The following COL10A1 variants were observed in gnomAD, a reference collection of about 807,000 sequenced individuals.
The protein encoded by COL10A1 is collagen type X alpha 1 chain.
In COL10A1, 10 loss-of-function variants were observed where a neutral mutation model predicts 18.2. The ratio of observed to expected loss-of-function variants is 0.55; its 90% CI spans 0.34 to 0.93. COL10A1 has a LOEUF of 0.93. Among genes scored for constraint, COL10A1 ranks in the 40% least tolerant of loss-of-function variants. COL10A1 has a pLI of 0.02. For missense variants in COL10A1, 897 were observed against 853.5 expected (o/e 1.05, Z -0.64); for synonymous variants, 330 against 316.6 (o/e 1.04, Z -0.45).
the COL10A1 span, among the ~76,000 whole-genome samples, chr6:116,212,690 TGGCAGGGA>T: frequency 6.6e-6 from 1 of 152,118 alleles, no homozygotes; most frequent in African/African-American, 2.4e-5. Context: ...ATTTAATGGG[TGGCAGGGA>T]GGCAGGGGAA....
At chr6:116,146,547 A>G (rs1779901461) in intron 1 of COL10A1, among the ~76,000 whole-genome samples, 1 of 152,196 alleles carries the variant, frequency 6.6e-6, no homozygotes, top group Non-Finnish European at 1.5e-5. Context: ...AGTATGTGCC[A>G]GGGGGAAGAG....
At chr6:116,138,210 T>C (rs1207518300) in intron 1 of COL10A1, among the ~76,000 whole-genome samples, 1 of 152,228 alleles carries the variant, frequency 6.6e-6, no homozygotes, top group Admixed American at 6.5e-5. Context: ...AAGTAGGTAC[T>C]ATTATTATTC....
At chr6:116,174,051 C>T in the COL10A1 span, among the ~76,000 whole-genome samples, 1 of 152,128 alleles carries the variant, frequency 6.6e-6, no homozygotes, top group African/African-American at 2.4e-5. Flanking sequence ...GATGGTTTTC[C>T]ATGACTAGAC....
chr6:116,162,190 G>A (rs1470196206), upstream of COL10A1, among the ~76,000 whole-genome samples: 1 of 152,102 alleles, frequency 6.6e-6, no homozygotes, highest in African/African-American at 2.4e-5. Flanking sequence ...AATCATTTGG[G>A]TTTTTTAAAT....
chr6:116,213,219 G>C, the COL10A1 span, among the ~76,000 whole-genome samples: 2 of 152,030 alleles, frequency 1.3e-5, no homozygotes, highest in African/African-American at 2.4e-5. Flanking sequence ...GATGTCAGTG[G>C]GGACAGTAGT....
chr6:116,151,782 T>A (rs1010070203), intron 1 of COL10A1, among the ~76,000 whole-genome samples: 2 of 152,160 alleles, frequency 1.3e-5, no homozygotes, highest in Non-Finnish European at 2.9e-5. Flanking sequence ...GCAAATAAAC[T>A]TTTTTTAAAA....
At chr6:116,148,999 T>C (rs1440449199) in intron 1 of COL10A1, among the ~76,000 whole-genome samples, 1 of 152,230 alleles carries the variant, frequency 6.6e-6, no homozygotes, top group Non-Finnish European at 1.5e-5. Context: ...GAATTGACAA[T>C]TCTTTGTAGA....
the COL10A1 span, among the ~76,000 whole-genome samples, chr6:116,186,177 A>G: frequency 3.9e-5 from 6 of 152,108 alleles, no homozygotes; most frequent in African/African-American, 1.4e-4. Context: ...TATTTTGTTT[A>G]AGGAGAACAA....
At chr6:116,193,250 C>T in the COL10A1 span, among the ~76,000 whole-genome samples, 1 of 151,928 alleles carries the variant, frequency 6.6e-6, no homozygotes, top group South Asian at 2.1e-4. Flanking sequence ...CCATAGTATC[C>T]AGTAATAAAT....
chr6:116,152,515 G>A (rs1005653807), intron 1 of COL10A1, among the ~76,000 whole-genome samples: 1 of 152,044 alleles, frequency 6.6e-6, no homozygotes, highest in African/African-American at 2.4e-5. Context: ...GGCACGATGG[G>A]GTCTCCAGGG....
intron 1 of COL10A1, among the ~76,000 whole-genome samples, chr6:116,148,240 A>G (rs1471250468): frequency 6.6e-6 from 1 of 152,088 alleles, no homozygotes; most frequent in Non-Finnish European, 1.5e-5. Context: ...AGGGAGAATT[A>G]TTTTTCATTG....
chr6:116,130,809 T>C (rs964854302), upstream of COL10A1, among the ~76,000 whole-genome samples: 1 of 152,156 alleles, frequency 6.6e-6, no homozygotes, highest in African/African-American at 2.4e-5. Context: ...AATATAGTTA[T>C]TCATTTGTTT....
intron 1 of COL10A1, among the ~76,000 whole-genome samples, chr6:116,138,632 C>T (rs920079126): frequency 2.0e-5 from 3 of 152,032 alleles, no homozygotes; most frequent in African/African-American, 7.3e-5. Flanking sequence ...GACATCATGG[C>T]TTGTTATAAT....
intron 1 of COL10A1, among the ~76,000 whole-genome samples, chr6:116,132,599 G>C (rs1779496869): frequency 6.6e-6 from 1 of 151,944 alleles, no homozygotes; most frequent in African/African-American, 2.4e-5. Flanking sequence ...TTATTTTTCA[G>C]ACAAGGAAAC....
chr6:116,211,622 A>C, the COL10A1 span, among the ~76,000 whole-genome samples: 2 of 152,194 alleles, frequency 1.3e-5, no homozygotes, highest in East Asian at 3.9e-4. Context: ...TTGGACTTAG[A>C]ATAATTTACA....
intron 1 of COL10A1, among the ~76,000 whole-genome samples, chr6:116,139,995 C>A (rs1222954115): frequency 6.6e-6 from 1 of 152,038 alleles, no homozygotes; most frequent in African/African-American, 2.4e-5. Flanking sequence ...CTTATTTGAT[C>A]CAGAAGAGAC....
At chr6:116,178,806 AAC>A in the COL10A1 span, among the ~76,000 whole-genome samples, 1 of 152,194 alleles carries the variant, frequency 6.6e-6, no homozygotes, top group African/African-American at 2.4e-5. Flanking sequence ...GACAGGTGAG[AAC>A]CAGAAAAAGC....
intron 1 of COL10A1, among the ~76,000 whole-genome samples, chr6:116,155,770 AAAG>A (rs930734171): frequency 2.6e-5 from 4 of 151,820 alleles, no homozygotes; most frequent in African/African-American, 7.2e-5. Flanking sequence ...AAAAAAAAAA[AAAG>A]AGGGAGGAAG....
At chr6:116,214,038 A>C in the COL10A1 span, among the ~76,000 whole-genome samples, 1 of 152,084 alleles carries the variant, frequency 6.6e-6, no homozygotes, top group Non-Finnish European at 1.5e-5. Flanking sequence ...TCTTCTCCAT[A>C]ATTTAATGAG....
Sources: allele counts gnomAD v4.1 joint callset (sites outside exome capture counted in the v4.1 genomes callset), GRCh38; gene constraint gnomAD v4.1.1; transcripts MANE v1.5; gene names NCBI Gene and HGNC (gene_info 2026-07-23, HGNC 2026-07-21).